GAN: variants seen among roughly 807,000 people sequenced by gnomAD.
The protein encoded by GAN is epididymis secretory sperm binding protein.
In GAN, 48 loss-of-function variants were observed where a neutral mutation model predicts 71.3. The observed-to-expected ratio is 0.67, with a 90% CI of 0.53 to 0.86. GAN has a LOEUF of 0.86. Among genes scored for constraint, GAN ranks in the 40% least tolerant of loss-of-function variants. The probability of loss-of-function intolerance (pLI) is 0.00; values close to 1 mark genes in which losing one functional copy is unlikely to be tolerated. For missense variants in GAN, 928 were observed against 770.1 expected, an observed-to-expected ratio of 1.21 and a Z score of -2.43; for synonymous variants, 386 against 276.8, an observed-to-expected ratio of 1.39 and a Z score of -3.92.
At chr16:81,344,859 A>T (rs2150679934) in intron 1 of GAN, among the ~76,000 whole-genome samples, 1 of 152,356 alleles carries the variant, frequency 6.6e-6, no homozygotes, top group Admixed American at 6.5e-5. Flanking sequence ...TGCATCTGAC[A>T]AAGGGCTAAT....
chr16:81,383,240 C>CTTTT lies in GAN; in HGVS notation c.*5645_*5646insTTTT. On this transcript the variant is annotated 3_prime_UTR_variant, in exon 11 of 11. Coordinates refer to ENST00000648994, the MANE Select transcript of GAN (RefSeq NM_022041.4). ...TTTAGTCAGAAATGACTGTTGCCCT[C>CTTTT]TCTTTTTTTTTTTTTTTTTTTTTTT... is the stretch of plus-strand genomic sequence containing the variant. The CTTTT allele has an allele frequency of 7.2e-6, 1 of 138,116 alleles. No homozygotes were observed. The highest frequency in any genetic ancestry group is 1.5e-5 in the Non-Finnish European group (1 of 64,628). 8.6% of individuals were successfully genotyped at this position (138,116 alleles called of 1,614,324 possible).
At position 81,315,329 on chromosome 16, in the gene GAN, G is replaced by A. The variant is rs772428592; in HGVS notation, c.167+49G>A. On this transcript the variant is annotated intron_variant, in intron 1 of 10. Transcript: ENST00000648994. The stretch of plus-strand genomic sequence containing the variant: ...GGGCGCGGCGGTGCTGCCCGGAGCC[G>A]GAGGCGGGGCGGCCGGGCCGGGCGT... 9.1e-6 allele frequency: 12 copies of A among 1,318,474 alleles called. No homozygotes were observed. The East Asian group carries it at 3.5e-4, about 38-fold the overall frequency. The allele number at this position is 1,318,474 out of a possible 1,614,324, so 81.7% of individuals were successfully genotyped here. A position where few individuals can be genotyped will look rare whatever the true frequency, so the allele number is the denominator to read the frequency against.
At chr16:81,352,608 T>C in intron 2 of GAN, among the ~76,000 whole-genome samples, 1 of 152,226 alleles carries the variant, frequency 6.6e-6, no homozygotes, top group East Asian at 1.9e-4. Flanking sequence ...TTACATATTT[T>C]CTAAGTATTC....
rs538176762 is a variant in GAN at position 81,390,610 on chromosome 16, T to C, written c.*13014T>C. The C allele has an allele frequency of 4.3e-4, 65 of 152,356 alleles. No homozygotes were observed. The highest frequency in any genetic ancestry group is 1.5e-3 in the African/African-American group (64 of 41,580). 9.4% of individuals were successfully genotyped at this position (152,356 alleles called of 1,614,324 possible). ...TTTATCTTTTTTATGTAGTTTGTAT[T>C]GACTGGATTTTATAACTGTAAGAAA... On this transcript the variant is annotated 3_prime_UTR_variant, in exon 11 of 11. Transcript: ENST00000648994.
rs761900137 is a variant in GAN at position 81,363,777 on chromosome 16, C to T, written c.1087-17C>T. The T allele has an allele frequency of 1.5e-5, 24 of 1,610,618 alleles. No individual in the cohort carries two copies. The highest frequency in any genetic ancestry group is 2.7e-5 in the African/African-American group (2 of 74,764). ...TCATTGGCCTTGTGTGTTCAGGGATCGCTAATGTAATTTCAGGCAAGACAT... is the reference window on the plus strand; with the variant it reads ...TCATTGGCCTTGTGTGTTCAGGGATTGCTAATGTAATTTCAGGCAAGACAT... On this transcript the variant is annotated splice_polypyrimidine_tract_variant and intron_variant, in intron 6 of 10. Transcript: ENST00000648994.
chr16:81,364,014 C>G (rs1461952848), intron 7 of GAN, 71 bp downstream of exon 7: 12 of 1,095,164 alleles, frequency 1.1e-5, no homozygotes, highest in Non-Finnish European at 1.7e-5. Context: ...TCTTCATATC[C>G]TGAATAAACC....
In GAN at chr16:81,315,049, C is replaced by A. The variant is rs577122104; in HGVS notation, c.-65C>A. Reference sequence around the variant, plus strand: ...GCGGGCGCGCGCGCAGGACTCGGGCCGCTCGAGGGGTCCGGCCGGACGGTG... The same window carrying A: ...GCGGGCGCGCGCGCAGGACTCGGGCAGCTCGAGGGGTCCGGCCGGACGGTG... On this transcript the variant is annotated 5_prime_UTR_variant, in exon 1 of 11. Coordinates refer to ENST00000648994, the MANE Select transcript of GAN (RefSeq NM_022041.4). 10 of 1,320,470 alleles carry A rather than the reference C, an allele frequency of 7.6e-6. No homozygotes were observed. In the Middle Eastern group the frequency reaches 1.7e-3, roughly 219 times the overall value. 81.8% of individuals were successfully genotyped at this position (1,320,470 alleles called of 1,614,324 possible).
rs182904513 is a variant in GAN, at chr16:81,384,974, G to A, written c.*7378G>A. 3 of 154,284 alleles carry A rather than the reference G, an allele frequency of 1.9e-5. No homozygotes were observed. Among genetic ancestry groups the A allele is most frequent in the African/African-American group, 7.2e-5 (3 of 41,500 alleles). The allele number at this position is 154,284 out of a possible 1,614,324, so 9.6% of individuals were successfully genotyped here. A position where few individuals can be genotyped will look rare whatever the true frequency, so the allele number is the denominator to read the frequency against. On this transcript the variant is annotated 3_prime_UTR_variant, in exon 11 of 11. Coordinates refer to ENST00000648994, the MANE Select transcript of GAN (RefSeq NM_022041.4). ...TTGTACACATTCTACTTAAATGGAG[G>A]AGTTCAGTGATGCCGTGGCCAAAAG...
intron 1 of GAN, among the ~76,000 whole-genome samples, chr16:81,322,790 T>C (rs1909261912): frequency 6.6e-6 from 1 of 152,224 alleles, no homozygotes; most frequent in African/African-American, 2.4e-5. Flanking sequence ...ATTACTGAGC[T>C]CAAAATATTT....
intron 1 of GAN, among the ~76,000 whole-genome samples, chr16:81,336,845 C>A (rs372910536): frequency 3.3e-5 from 5 of 152,096 alleles, no homozygotes; most frequent in African/African-American, 1.2e-4. Context: ...TATCCCCTTT[C>A]CCCCATCCCT....
chr16:81,338,498 A>G (rs1237068402), intron 1 of GAN, among the ~76,000 whole-genome samples: 1 of 152,210 alleles, frequency 6.6e-6, no homozygotes, highest in African/African-American at 2.4e-5. Flanking sequence ...GGCAGAGATA[A>G]AAACAAAGTG....
chr16:81,320,314 C>T (rs934985085), intron 1 of GAN, among the ~76,000 whole-genome samples: 2 of 152,188 alleles, frequency 1.3e-5, no homozygotes, highest in East Asian at 1.9e-4. Context: ...TCCGTGAGTA[C>T]TATGTGGTGT....
intron 1 of GAN, among the ~76,000 whole-genome samples, chr16:81,324,375 G>T (rs1004342692): frequency 6.6e-6 from 1 of 152,116 alleles, no homozygotes; most frequent in Non-Finnish European, 1.5e-5. Flanking sequence ...CTGTGGCCTG[G>T]GTGACGGGAT....
In GAN at chr16:81,360,512, A is replaced by G. The variant is rs151246466; in HGVS notation, c.974-1987A>G. On this transcript the variant is annotated intron_variant, in intron 5 of 10. Coordinates refer to ENST00000648994, the MANE Select transcript of GAN (RefSeq NM_022041.4). The stretch of plus-strand genomic sequence containing the variant: ...TCACTGTGCTGTTTTCTTGATTATT[A>G]TCTTTTGATTTATCTTCTTTTCTCC... Among the ~76,000 whole-genome samples, 120 of 150,812 alleles carry G rather than the reference A, an allele frequency of 8.0e-4. 1 individual carries two copies. Among genetic ancestry groups the G allele is most frequent in the African/African-American group, 2.7e-3 (112 of 41,230 alleles).
chr16:81,347,273 A>T (rs1380463534), intron 1 of GAN, among the ~76,000 whole-genome samples: 1 of 152,236 alleles, frequency 6.6e-6, no homozygotes, highest in Non-Finnish European at 1.5e-5. Flanking sequence ...CTGTACGGGC[A>T]GGAATAGTAG....
chr16:81,382,120 G>A lies in GAN; in HGVS notation c.*4524G>A, dbSNP rs1018066717. ...TACCCCTTTGATCCTCACACCTCTGGAATAGGCAGGGCACTCTCCCCATTG... is the reference window on the plus strand; with the variant it reads ...TACCCCTTTGATCCTCACACCTCTGAAATAGGCAGGGCACTCTCCCCATTG... On this transcript the variant is annotated 3_prime_UTR_variant, in exon 11 of 11. Transcript: ENST00000648994. The A allele has an allele frequency of 6.6e-6, 1 of 152,038 alleles. No homozygotes were observed. The highest frequency in any genetic ancestry group is 1.9e-4 in the East Asian group (1 of 5,192). The allele number at this position is 152,038 out of a possible 1,614,324, so 9.4% of individuals were successfully genotyped here.
At chr16:81,376,134 T>C (rs927919810) in intron 9 of GAN, among the ~76,000 whole-genome samples, 2 of 152,096 alleles carry the variant, frequency 1.3e-5, no homozygotes, top group Non-Finnish European at 2.9e-5. Context: ...TTCTCATGCA[T>C]TGCTAATTGG....
intron 9 of GAN, among the ~76,000 whole-genome samples, chr16:81,376,273 C>T (rs1190224084): frequency 6.6e-6 from 1 of 151,992 alleles, no homozygotes; most frequent in African/African-American, 2.4e-5. Flanking sequence ...TCTAATGTTC[C>T]TGACAGCCTT....
intron 7 of GAN, 89 bp from the exon 8 acceptor site, chr16:81,364,884 CT>C: frequency 7.7e-7 from 1 of 1,301,204 alleles, no homozygotes; most frequent in South Asian, 1.2e-5. Context: ...TCCTAAATCT[CT>C]TTAAGTATGG....
Sources: allele counts gnomAD v4.1 joint callset (sites outside exome capture counted in the v4.1 genomes callset), GRCh38; gene constraint gnomAD v4.1.1; transcripts MANE v1.5; gene names NCBI Gene and HGNC (gene_info 2026-07-23, HGNC 2026-07-21).